Variants in CLNK observed in about 807,000 individuals in gnomAD.
CLNK encodes the protein cytokine dependent hematopoietic cell linker.
Under a neutral mutation model 68.6 loss-of-function variants are expected in CLNK, and 74 were observed. That is an observed-to-expected ratio of 1.08 (90% CI 0.89 to 1.31). The LOEUF (loss-of-function observed/expected upper bound fraction) is 1.31. Among genes scored for constraint, CLNK ranks in the 50% most tolerant of loss-of-function variants. CLNK has a pLI of 0.00. For missense variants in CLNK, 553 were observed against 515.3 expected, an observed-to-expected ratio of 1.07 and a Z score of -0.71; for synonymous variants, 198 against 172.2, an observed-to-expected ratio of 1.15 and a Z score of -1.17.
intron 18 of CLNK, among the ~76,000 whole-genome samples, chr4:10,498,616 C>T (rs1716910087): frequency 1.3e-5 from 2 of 152,120 alleles, no homozygotes. Context: ...TTACCATAGG[C>T]ATCTTAGGGC....
chr4:10,638,165 T>A (rs1465949075), intron 2 of CLNK, among the ~76,000 whole-genome samples: 1 of 152,164 alleles, frequency 6.6e-6, no homozygotes, highest in African/African-American at 2.4e-5. Context: ...CAGGGGTGCC[T>A]GTGAGAACAC....
At chr4:10,628,219 A>C (rs1055729760) in intron 2 of CLNK, among the ~76,000 whole-genome samples, 4 of 152,140 alleles carry the variant, frequency 2.6e-5, no homozygotes, top group African/African-American at 9.7e-5. Flanking sequence ...TCTGGTCTTT[A>C]ATAATCTTCG....
At chr4:10,637,583 CTTTTTTTTTTTTTTTTTT>C (rs1158317670) in intron 2 of CLNK, among the ~76,000 whole-genome samples, 1 of 71,416 alleles carries the variant, frequency 1.4e-5, no homozygotes, top group Non-Finnish European at 2.4e-5. Context: ...CACCATTCCT[CTTTTTTTTTTTTTTTTTT>C]TTTTTTTTTT....
At chr4:10,639,042 A>C (rs527262530) in intron 2 of CLNK, among the ~76,000 whole-genome samples, 15 of 152,374 alleles carry the variant, frequency 9.8e-5, no homozygotes, top group Admixed American at 8.5e-4. Context: ...TTTATGGGAC[A>C]CAGTTTGGCT....
At chr4:10,705,401 T>C in the CLNK span, among the ~76,000 whole-genome samples, 2 of 152,230 alleles carry the variant, frequency 1.3e-5, no homozygotes, top group African/African-American at 4.8e-5. Flanking sequence ...AAAAATCTTA[T>C]ATTTCTGAAG....
At chr4:10,515,969 A>G (rs1214115561) in intron 15 of CLNK, among the ~76,000 whole-genome samples, 8 of 152,176 alleles carry the variant, frequency 5.3e-5, no homozygotes, top group African/African-American at 1.9e-4. Flanking sequence ...TTAAGATGCT[A>G]CCACTTGTCA....
chr4:10,616,386 G>A (rs1261140502), intron 2 of CLNK, among the ~76,000 whole-genome samples: 1 of 152,174 alleles, frequency 6.6e-6, no homozygotes, highest in Admixed American at 6.5e-5. Context: ...AGTATGCTGT[G>A]TCAATATCTA....
intron 2 of CLNK, 107 bp downstream of exon 2, chr4:10,667,752 C>A: frequency 9.4e-7 from 1 of 1,059,804 alleles, no homozygotes. Flanking sequence ...ATCCCTTTTC[C>A]ATGGGCGGCC....
At chr4:10,689,828 A>G in the CLNK span, among the ~76,000 whole-genome samples, 1 of 132,410 alleles carries the variant, frequency 7.6e-6, no homozygotes, top group Admixed American at 9.7e-5. Flanking sequence ...ACAGTTTAGC[A>G]CCTGTTTACA....
At chr4:10,725,601 G>A in the CLNK span, among the ~76,000 whole-genome samples, 2 of 152,148 alleles carry the variant, frequency 1.3e-5, no homozygotes, top group Admixed American at 6.6e-5. Context: ...AGAAATAAAA[G>A]TTTACACTTT....
intron 8 of CLNK, among the ~76,000 whole-genome samples, chr4:10,547,280 C>G (rs755674572): frequency 6.6e-6 from 1 of 152,112 alleles, no homozygotes; most frequent in African/African-American, 2.4e-5. Context: ...TTTGCCTTAA[C>G]TGTGGTGAAT....
the CLNK span, among the ~76,000 whole-genome samples, chr4:10,722,509 ACT>A: frequency 6.6e-6 from 1 of 152,056 alleles, no homozygotes; most frequent in African/African-American, 2.4e-5. Context: ...GCTTTCGATA[ACT>A]CTGTTTCTCC....
chr4:10,640,616 C>A (rs1218867507), intron 2 of CLNK, among the ~76,000 whole-genome samples: 2 of 152,256 alleles, frequency 1.3e-5, no homozygotes, highest in Non-Finnish European at 2.9e-5. Context: ...TTCACTTCCA[C>A]TTCCTTAACA....
intron 18 of CLNK, among the ~76,000 whole-genome samples, chr4:10,492,183 T>G (rs1464637520): frequency 6.6e-6 from 1 of 152,162 alleles, no homozygotes; most frequent in African/African-American, 2.4e-5. Flanking sequence ...ACTCAGAGTC[T>G]CCCATGGCTA....
At chr4:10,639,889 G>T (rs1723242304) in intron 2 of CLNK, among the ~76,000 whole-genome samples, 2 of 152,226 alleles carry the variant, frequency 1.3e-5, no homozygotes. Flanking sequence ...GCATTGCAAT[G>T]TGAAGTTATT....
At chr4:10,649,435 A>G (rs1036470207) in intron 2 of CLNK, among the ~76,000 whole-genome samples, 1 of 152,214 alleles carries the variant, frequency 6.6e-6, no homozygotes, top group African/African-American at 2.4e-5. Context: ...TTGCCAACAC[A>G]GAGGAAAATG....
chr4:10,518,807 C>T (rs1717942777), intron 15 of CLNK, among the ~76,000 whole-genome samples: 1 of 152,210 alleles, frequency 6.6e-6, no homozygotes, highest in Admixed American at 6.5e-5. Flanking sequence ...TTTCACTCTG[C>T]TGCATGAATG....
the CLNK span, among the ~76,000 whole-genome samples, chr4:10,715,212 C>T: frequency 8.5e-5 from 13 of 152,316 alleles, no homozygotes; most frequent in African/African-American, 3.1e-4. Flanking sequence ...GTTAGCAACA[C>T]AGAACCATAA....
Position 10,489,452 on chromosome 4 carries a change from T to C in CLNK, c.*1015A>G, listed in dbSNP as rs925982858. ...AGTGTAGGATATAATCTGAGCTCTG[T>C]ACTATGAATGTGTTAATTCCATTTG... On this transcript the variant is annotated 3_prime_UTR_variant, in exon 19 of 19. Coordinates refer to ENST00000226951, the MANE Select transcript of CLNK (RefSeq NM_052964.4). 6.6e-6 allele frequency: 1 copy of C among 152,258 alleles called. No homozygotes were observed. Among genetic ancestry groups the C allele is most frequent in the Admixed American group, 6.5e-5 (1 of 15,292 alleles). The allele number at this position is 152,258 out of a possible 1,614,324, so 9.4% of individuals were successfully genotyped here.
Sources: allele counts gnomAD v4.1 joint callset (sites outside exome capture counted in the v4.1 genomes callset), GRCh38; gene constraint gnomAD v4.1.1; transcripts MANE v1.5; gene names NCBI Gene and HGNC (gene_info 2026-07-23, HGNC 2026-07-21).